Variants in SLC18A2 observed in about 807,000 individuals in gnomAD.
The protein encoded by SLC18A2 is synaptic vesicular amine transporter.
In SLC18A2, 33 loss-of-function variants were observed where a neutral mutation model predicts 59.2. The observed-to-expected ratio is 0.56, with a 90% CI of 0.42 to 0.75. The LOEUF (loss-of-function observed/expected upper bound fraction) is 0.75. Ranked by LOEUF, SLC18A2 falls within the 30% of genes least tolerant of loss-of-function variation. The pLI is 0.00. For missense variants in SLC18A2, 569 were observed against 668.6 expected, an observed-to-expected ratio of 0.85 and a Z score of 1.64; for synonymous variants, 228 against 253.5, an observed-to-expected ratio of 0.90 and a Z score of 0.95.
chr10:117,274,763 T>C (rs1177695185), intron 15 of SLC18A2, among the ~76,000 whole-genome samples: 1 of 152,208 alleles, frequency 6.6e-6, no homozygotes, highest in Non-Finnish European at 1.5e-5. Flanking sequence ...TAGCGTTCCC[T>C]GGGCACTGAA....
rs1235275873 is a variant in SLC18A2 at position 117,266,714 on chromosome 10, C to T, written c.992-19C>T. 1.3e-6 allele frequency: 2 copies of T among 1,590,268 alleles called. No individual in the cohort carries two copies. The highest frequency in any genetic ancestry group is 1.7e-6 in the Non-Finnish European group (2 of 1,159,164). ...ACTGATATCAGCACTGATAAGGTCTCCTTTTCATAAATTTACAGGCGTTGC... is the reference window on the plus strand; with the variant it reads ...ACTGATATCAGCACTGATAAGGTCTTCTTTTCATAAATTTACAGGCGTTGC... On this transcript the variant is annotated intron_variant, in intron 10 of 15. Transcript: ENST00000644641.
chr10:117,278,189 A>ATATC lies in SLC18A2; in HGVS notation c.*925_*928dup, dbSNP rs1220096403. 1 of 152,230 alleles carries ATATC rather than the reference A, an allele frequency of 6.6e-6. No individual in the cohort carries two copies. The highest frequency in any genetic ancestry group is 1.5e-5 in the Non-Finnish European group (1 of 68,034). The allele number at this position is 152,230 out of a possible 1,614,324, so 9.4% of individuals were successfully genotyped here. On this transcript the variant is annotated 3_prime_UTR_variant, in exon 16 of 16. Coordinates refer to ENST00000644641, the MANE Select transcript of SLC18A2 (RefSeq NM_003054.6). ...GCTGCTCTGACTTTAATATCTGACT[A>ATATC]TATCTTTGATCTGTTTGCAGGTCAT...
At chr10:117,258,942 C>G (rs1307268438) in intron 10 of SLC18A2, among the ~76,000 whole-genome samples, 1 of 152,010 alleles carries the variant, frequency 6.6e-6, no homozygotes, top group East Asian at 1.9e-4. Context: ...AATGACACCC[C>G]CTTTTTAAAA....
At chr10:117,276,498 C>T (rs1844492721) in intron 15 of SLC18A2, among the ~76,000 whole-genome samples, 1 of 150,378 alleles carries the variant, frequency 6.6e-6, no homozygotes, top group East Asian at 2.0e-4. Flanking sequence ...CCTGTAATAT[C>T]AGCTACTTGG....
At chr10:117,255,708 G>C in intron 9 of SLC18A2, 51 bp downstream of exon 9, 1 of 1,557,426 alleles carries the variant, frequency 6.4e-7, no homozygotes, top group Non-Finnish European at 8.8e-7. Context: ...TGATGGCCGC[G>C]TGCTGGAGGC....
At chr10:117,252,839 G>A (rs372977115) in intron 3 of SLC18A2, among the ~76,000 whole-genome samples, 2 of 152,136 alleles carry the variant, frequency 1.3e-5, no homozygotes, top group African/African-American at 4.8e-5. Context: ...TTGACCTGGC[G>A]CCAGAGTCCT....
chr10:117,258,867 A>G (rs2133736779), intron 10 of SLC18A2, among the ~76,000 whole-genome samples: 1 of 151,694 alleles, frequency 6.6e-6, no homozygotes, highest in South Asian at 2.1e-4. Flanking sequence ...CCCGGGTTCA[A>G]GCGATTCTCC....
At chr10:117,264,379 G>A (rs1415131125) in intron 10 of SLC18A2, among the ~76,000 whole-genome samples, 4 of 152,216 alleles carry the variant, frequency 2.6e-5, no homozygotes, top group Admixed American at 2.0e-4. Flanking sequence ...GGGAGGCTGA[G>A]GCAGGTGGAT....
rs60679292 is a variant in SLC18A2 at position 117,262,971 on chromosome 10, C to G, written c.992-3762C>G. Among the ~76,000 whole-genome samples the G allele has an allele frequency of 4.6e-3, 702 of 152,298 alleles. 3 individuals carry two copies. The highest frequency in any genetic ancestry group is 0.016 in the African/African-American group (673 of 41,580). On this transcript the variant is annotated intron_variant, in intron 10 of 15. Coordinates refer to ENST00000644641, the MANE Select transcript of SLC18A2 (RefSeq NM_003054.6). The stretch of plus-strand genomic sequence containing the variant: ...TTTAAAGTCAGCCAGAAGCCATGGG[C>G]CATCAGGGGCAGATAGCAGAGTGCA...
At chr10:117,244,379 G>A (rs1844089064) in intron 3 of SLC18A2, 66 bp downstream of exon 3, 1 of 1,393,968 alleles carries the variant, frequency 7.2e-7, no homozygotes, top group Non-Finnish European at 9.8e-7. Flanking sequence ...GTCCTTCCTG[G>A]AATTCTGCTT....
chr10:117,258,766 CTTTT>C (rs36039915), intron 10 of SLC18A2, among the ~76,000 whole-genome samples: 5 of 106,122 alleles, frequency 4.7e-5, no homozygotes, highest in Non-Finnish European at 6.1e-5. Flanking sequence ...ACCCCCGACT[CTTTT>C]TTTTTTTTTT....
At chr10:117,257,615 G>A (rs1045356934) in intron 9 of SLC18A2, among the ~76,000 whole-genome samples, 182 bp from the exon 10 acceptor site, 12 of 152,178 alleles carry the variant, frequency 7.9e-5, no homozygotes, top group African/African-American at 2.4e-4. Flanking sequence ...TGAGGACGAC[G>A]ACGACCATGA....
chr10:117,255,562 G>T (rs1844219685), intron 8 of SLC18A2, 35 bp from the exon 9 acceptor site: 1 of 1,614,046 alleles, frequency 6.2e-7, no homozygotes, highest in African/African-American at 1.3e-5. Flanking sequence ...GAGGGGGCAT[G>T]GTGCTGCTTC....
At chr10:117,265,266 C>A (rs907917214) in intron 10 of SLC18A2, among the ~76,000 whole-genome samples, 2 of 152,164 alleles carry the variant, frequency 1.3e-5, no homozygotes, top group Admixed American at 1.3e-4. Flanking sequence ...GAAGACTCAG[C>A]CTGTTTCTGG....
intron 10 of SLC18A2, among the ~76,000 whole-genome samples, chr10:117,260,449 A>G (rs928650574): frequency 2.0e-5 from 3 of 151,268 alleles, no homozygotes; most frequent in Non-Finnish European, 4.4e-5. Context: ...TCTTCCTCGT[A>G]TTGTCCCTTC....
At chr10:117,275,581 G>C (rs1387596049) in intron 15 of SLC18A2, among the ~76,000 whole-genome samples, 1 of 152,190 alleles carries the variant, frequency 6.6e-6, no homozygotes, top group Non-Finnish European at 1.5e-5. Context: ...GAGTGCTGCA[G>C]GCGGCTCCTG....
At chr10:117,266,212 C>T (rs932538850) in intron 10 of SLC18A2, among the ~76,000 whole-genome samples, 1 of 151,386 alleles carries the variant, frequency 6.6e-6, no homozygotes, top group African/African-American at 2.4e-5. Flanking sequence ...AGTATAATCC[C>T]TTTTTTTTGT....
chr10:117,260,137 A>C (rs1210279771), intron 10 of SLC18A2, among the ~76,000 whole-genome samples: 1 of 152,040 alleles, frequency 6.6e-6, no homozygotes, highest in Non-Finnish European at 1.5e-5. Flanking sequence ...TATTGCAAAA[A>C]CACCCTCCCA....
At chr10:117,247,943 T>C (rs996337035) in intron 3 of SLC18A2, among the ~76,000 whole-genome samples, 2 of 152,194 alleles carry the variant, frequency 1.3e-5, no homozygotes, top group African/African-American at 4.8e-5. Context: ...CTTTTGTGGG[T>C]AGGAGTCACA....
Sources: allele counts gnomAD v4.1 joint callset (sites outside exome capture counted in the v4.1 genomes callset), GRCh38; gene constraint gnomAD v4.1.1; transcripts MANE v1.5; gene names NCBI Gene and HGNC (gene_info 2026-07-23, HGNC 2026-07-21).